TBL1Y: variants seen among roughly 807,000 people sequenced by gnomAD.
The protein encoded by TBL1Y is transducin beta like 1 Y-linked.
Under a neutral mutation model 12.0 loss-of-function variants are expected in TBL1Y, and 15 were observed. That is an observed-to-expected ratio of 1.25 (90% CI 0.83 to 1.92). The LOEUF is 1.92. TBL1Y is among the 40% of genes most tolerant of loss of function. TBL1Y has a pLI of 0.00. For synonymous variants in TBL1Y, 53 were observed against 42.6 expected, an observed-to-expected ratio of 1.24 and a Z score of -0.95; for missense variants, 148 against 116.7, an observed-to-expected ratio of 1.27 and a Z score of -1.24.
intron 2 of TBL1Y, among the ~76,000 whole-genome samples, chrY:6,925,246 A>G (rs896510142): frequency 2.1e-4 from 7 of 33,530 alleles, no homozygotes; most frequent in Admixed American, 1.6e-3. Flanking sequence ...TGGGTATTAC[A>G]TGTCATGCTG....
chrY:7,045,327 C>T, intron 7 of TBL1Y, among the ~76,000 whole-genome samples: 1 of 33,692 alleles, frequency 3.0e-5, no homozygotes, highest in Admixed American at 2.7e-4. Flanking sequence ...CTAGAGGATA[C>T]ATTGGTTCCT....
intron 2 of TBL1Y, among the ~76,000 whole-genome samples, chrY:6,956,803 C>G: frequency 3.0e-5 from 1 of 33,354 alleles, no homozygotes; most frequent in South Asian, 7.0e-4. Flanking sequence ...CTCTATTTCA[C>G]CAAAGAAAGT....
chrY:7,049,581 A>C (rs374486067), intron 7 of TBL1Y, among the ~76,000 whole-genome samples: 2 of 33,937 alleles, frequency 5.9e-5, no homozygotes, highest in Non-Finnish European at 1.5e-4. Context: ...GTGAGATGCT[A>C]TCTCATAGTG....
At chrY:6,979,147 C>A (rs888508370) in intron 3 of TBL1Y, among the ~76,000 whole-genome samples, 12 of 33,028 alleles carry the variant, frequency 3.6e-4, no homozygotes, top group Middle Eastern at 0.014. Context: ...GTTGGCCAGG[C>A]TGGTCTTGGA....
At chrY:6,929,303 T>C (rs2011846765) in intron 2 of TBL1Y, among the ~76,000 whole-genome samples, 1 of 33,617 alleles carries the variant, frequency 3.0e-5, no homozygotes, top group African/African-American at 1.2e-4. Context: ...GAGCTACCCT[T>C]GGCCTTCCAG....
chrY:6,935,770 G>A, intron 2 of TBL1Y, among the ~76,000 whole-genome samples: 1 of 33,153 alleles, frequency 3.0e-5, no homozygotes, highest in South Asian at 6.9e-4. Flanking sequence ...GGTGGTGCAT[G>A]AGCCTGTAGC....
chrY:7,021,585 A>G, intron 5 of TBL1Y, 48 bp downstream of exon 5: 3 of 33,551 alleles, frequency 8.9e-5, no homozygotes, highest in South Asian at 1.4e-3. Context: ...TACCTGAAAC[A>G]TATTTCAGGA....
intron 2 of TBL1Y, among the ~76,000 whole-genome samples, chrY:6,949,639 G>A: frequency 3.0e-5 from 1 of 33,399 alleles, no homozygotes; most frequent in Non-Finnish European, 7.4e-5. Context: ...AATAAAAAAA[G>A]TACTACATAC....
chrY:6,990,881 A>G, intron 3 of TBL1Y, among the ~76,000 whole-genome samples: 1 of 32,824 alleles, frequency 3.0e-5, no homozygotes, highest in Non-Finnish European at 7.4e-5. Context: ...AAGTGGGTAT[A>G]GTGGTCTGTT....
intron 4 of TBL1Y, among the ~76,000 whole-genome samples, chrY:6,998,261 C>T (rs2012423765): frequency 3.0e-5 from 1 of 33,540 alleles, no homozygotes; most frequent in East Asian, 7.9e-4. Context: ...CTGTTGAGTC[C>T]GTAGTCATCC....
intron 3 of TBL1Y, among the ~76,000 whole-genome samples, chrY:6,983,643 T>C: frequency 5.9e-5 from 2 of 33,784 alleles, no homozygotes; most frequent in African/African-American, 2.3e-4. Flanking sequence ...GACAAATCGT[T>C]TTCCCTCCAG....
At chrY:7,064,173 T>C in intron 8 of TBL1Y, 24 bp downstream of exon 8, 2 of 397,222 alleles carry the variant, frequency 5.0e-6, no homozygotes, top group Non-Finnish European at 7.1e-6. Flanking sequence ...CTCTGGAAGT[T>C]TGGTGGGCCT....
intron 7 of TBL1Y, among the ~76,000 whole-genome samples, chrY:7,063,032 C>G (rs1603046433): frequency 1.2e-4 from 4 of 32,238 alleles, no homozygotes; most frequent in South Asian, 1.4e-3. Context: ...TTTTTTTTCC[C>G]GCGTGTTGCT....
chrY:6,962,362 T>G, intron 2 of TBL1Y, among the ~76,000 whole-genome samples: 11 of 33,628 alleles, frequency 3.3e-4, no homozygotes, highest in Admixed American at 5.5e-4. Flanking sequence ...CGAATATGAG[T>G]AATATAAAGT....
chrY:7,091,330 A>G, intron 18 of TBL1Y, 142 bp from the exon 19 acceptor site: 1 of 130,464 alleles, frequency 7.7e-6, no homozygotes, highest in Non-Finnish European at 1.4e-5. Flanking sequence ...GATCCTTCAT[A>G]ACGATGTTCC....
intron 8 of TBL1Y, among the ~76,000 whole-genome samples, chrY:7,069,503 C>T (rs1013822979): frequency 5.9e-5 from 2 of 33,705 alleles, no homozygotes; most frequent in South Asian, 6.8e-4. Context: ...TGTGTCCACA[C>T]GTGGTTGTAC....
chrY:7,016,362 A>T (rs2012549725), intron 4 of TBL1Y, among the ~76,000 whole-genome samples: 1 of 32,406 alleles, frequency 3.1e-5, no homozygotes, highest in Non-Finnish European at 7.5e-5. Context: ...GGATGTGGGG[A>T]GGGGGCAACA....
intron 3 of TBL1Y, among the ~76,000 whole-genome samples, chrY:6,982,796 G>A (rs2012294711): frequency 6.0e-5 from 2 of 33,438 alleles, no homozygotes; most frequent in South Asian, 6.9e-4. Flanking sequence ...GTGGGCCAGT[G>A]AGCTAGTGAG....
chrY:7,054,795 T>G, intron 7 of TBL1Y, among the ~76,000 whole-genome samples: 2 of 34,034 alleles, frequency 5.9e-5, no homozygotes, highest in African/African-American at 2.3e-4. Context: ...GGTTCTCTTC[T>G]GTGACCCACG....
Sources: allele counts gnomAD v4.1 joint callset (sites outside exome capture counted in the v4.1 genomes callset), GRCh38; gene constraint gnomAD v4.1.1; transcripts MANE v1.5; gene names NCBI Gene and HGNC (gene_info 2026-07-23, HGNC 2026-07-21).